GNAQ: variants seen among roughly 807,000 people sequenced by gnomAD.
GNAQ encodes G protein subunit alpha q, also known as guanine nucleotide-binding protein G(q) subunit alpha.
In GNAQ, 8 loss-of-function variants were observed where a neutral mutation model predicts 43.9. That is an observed-to-expected ratio of 0.18 (90% confidence interval 0.11 to 0.33). The LOEUF is 0.33. GNAQ is among the 10% of genes least tolerant of loss of function. The pLI is 1.00. For synonymous variants in GNAQ, 155 were observed against 170.7 expected (o/e 0.91, Z 0.71); for missense variants, 158 against 450.8 (o/e 0.35, Z 5.88).
At chr9:77,810,301 T>C (rs1425898286) in intron 3 of GNAQ, among the ~76,000 whole-genome samples, 2 of 152,076 alleles carry the variant, frequency 1.3e-5, no homozygotes, top group African/African-American at 4.8e-5. Context: ...TGAGGCTGTA[T>C]TTCAGTGGTT....
intron 1 of GNAQ, among the ~76,000 whole-genome samples, chr9:77,979,651 G>C (rs949148151): frequency 2.0e-5 from 3 of 152,056 alleles, no homozygotes; most frequent in Admixed American, 2.0e-4. Flanking sequence ...TGAACTCTCT[G>C]GAAGACTAAA....
intron 2 of GNAQ, among the ~76,000 whole-genome samples, chr9:77,894,219 T>C (rs1211204314): frequency 7.6e-6 from 1 of 131,794 alleles, no homozygotes; most frequent in Non-Finnish European, 1.6e-5. Flanking sequence ...GGTATTACAG[T>C]ATTCTTAAAA....
intron 2 of GNAQ, among the ~76,000 whole-genome samples, chr9:77,824,575 T>G (rs1187791919): frequency 6.6e-6 from 1 of 152,208 alleles, no homozygotes; most frequent in Admixed American, 6.5e-5. Context: ...ATTAATTTAA[T>G]ACATACAGTA....
intron 5 of GNAQ, among the ~76,000 whole-genome samples, chr9:77,754,070 A>G (rs1564100265): frequency 6.6e-6 from 1 of 152,152 alleles, no homozygotes; most frequent in Non-Finnish European, 1.5e-5. Flanking sequence ...ACCAAATTAA[A>G]AGGAGCACTC....
At chr9:78,002,035 G>T (rs1466467041) in intron 1 of GNAQ, among the ~76,000 whole-genome samples, 1 of 152,148 alleles carries the variant, frequency 6.6e-6, no homozygotes, top group African/African-American at 2.4e-5. Flanking sequence ...AGAAGATAAA[G>T]ATTTGTCAAT....
chr9:77,825,693 T>C (rs1057000681), intron 2 of GNAQ, among the ~76,000 whole-genome samples: 9 of 152,176 alleles, frequency 5.9e-5, no homozygotes, highest in African/African-American at 2.2e-4. Flanking sequence ...AATCTAGAAA[T>C]ACAAAGTGAA....
chr9:77,937,113 A>G (rs1391945396), intron 1 of GNAQ, among the ~76,000 whole-genome samples: 1 of 152,178 alleles, frequency 6.6e-6, no homozygotes, highest in African/African-American at 2.4e-5. Flanking sequence ...GGCTTTGTTG[A>G]TATCACATAT....
chr9:77,762,249 TG>T (rs1443661217), intron 5 of GNAQ, among the ~76,000 whole-genome samples: 1 of 92,940 alleles, frequency 1.1e-5, no homozygotes. Context: ...GGAGGGAGGT[TG>T]GGGGGTCAGC....
intron 1 of GNAQ, among the ~76,000 whole-genome samples, chr9:78,009,802 T>G (rs1823752203): frequency 6.6e-6 from 1 of 151,676 alleles, no homozygotes; most frequent in Admixed American, 6.6e-5. Context: ...TCAATAGCAG[T>G]AAAAACTCTC....
Position 77,818,446 on chromosome 9 carries a change from T to TA in GNAQ, c.322-2677dup, listed in dbSNP as rs758876754. 9.5e-3 allele frequency among the ~76,000 whole-genome samples: 1,249 copies of TA among 131,352 alleles called. 12 individuals are homozygous for TA. The highest frequency in any genetic ancestry group is 0.026 in the African/African-American group (928 of 35,802). The allele number at this position is 131,352 out of a possible 152,430, so 86.2% of individuals were successfully genotyped here. On this transcript the variant is annotated intron_variant, in intron 2 of 6. Transcript: ENST00000286548. ...GAAATGCAATACTCTCAATTTTTTG[T>TA]AAAAAAAAAAAAAAAAAGTTCTGTA...
intron 1 of GNAQ, among the ~76,000 whole-genome samples, chr9:78,026,250 G>A (rs1823978421): frequency 1.3e-5 from 2 of 152,094 alleles, no homozygotes; most frequent in South Asian, 2.1e-4. Flanking sequence ...AGCATATAGG[G>A]GTAAGGATGG....
At chr9:77,890,225 C>G (rs1236303920) in intron 2 of GNAQ, among the ~76,000 whole-genome samples, 1 of 152,150 alleles carries the variant, frequency 6.6e-6, no homozygotes, top group Non-Finnish European at 1.5e-5. Context: ...TACCATACTC[C>G]TAGAATCCTC....
chr9:78,026,619 C>T (rs1350127397), intron 1 of GNAQ, among the ~76,000 whole-genome samples: 2 of 152,104 alleles, frequency 1.3e-5, no homozygotes, highest in Non-Finnish European at 2.9e-5. Flanking sequence ...TCTGAGTCAC[C>T]ATCCTAGATG....
At chr9:77,726,728 T>A (rs1300492469) in intron 6 of GNAQ, among the ~76,000 whole-genome samples, 1 of 152,240 alleles carries the variant, frequency 6.6e-6, no homozygotes, top group Non-Finnish European at 1.5e-5. Context: ...GTTTCTGCTA[T>A]GTGATATATG....
intron 1 of GNAQ, among the ~76,000 whole-genome samples, chr9:78,004,383 C>T (rs1318453485): frequency 1.3e-5 from 2 of 152,038 alleles, no homozygotes; most frequent in East Asian, 3.9e-4. Flanking sequence ...TCTCTGGACC[C>T]ATGCCAACAG....
intron 2 of GNAQ, among the ~76,000 whole-genome samples, chr9:77,918,812 T>C (rs1010282099): frequency 6.6e-6 from 1 of 152,218 alleles, no homozygotes; most frequent in Non-Finnish European, 1.5e-5. Flanking sequence ...TGACAGTATA[T>C]AGCATTTATT....
At chr9:77,796,091 G>C (rs1173212063) in intron 4 of GNAQ, among the ~76,000 whole-genome samples, 1 of 152,152 alleles carries the variant, frequency 6.6e-6, no homozygotes, top group Non-Finnish European at 1.5e-5. Flanking sequence ...AAGTAATATA[G>C]AATGCTGGAG....
At chr9:77,840,854 C>T (rs1052259957) in intron 2 of GNAQ, among the ~76,000 whole-genome samples, 1 of 152,008 alleles carries the variant, frequency 6.6e-6, no homozygotes, top group African/African-American at 2.4e-5. Flanking sequence ...TTTATCTGAG[C>T]CCAGGGTCAC....
At chr9:78,014,058 T>C (rs561133263) in intron 1 of GNAQ, among the ~76,000 whole-genome samples, 2 of 152,260 alleles carry the variant, frequency 1.3e-5, no homozygotes, top group East Asian at 1.9e-4. Flanking sequence ...AAAAGTTATA[T>C]AGGCTACCAA....
Sources: gnomAD v4.1 joint callset for allele counts (sites outside exome capture counted in the v4.1 genomes callset) on GRCh38, gnomAD v4.1.1 for gene constraint, MANE v1.5 for transcripts, NCBI Gene and HGNC (gene_info 2026-07-23, HGNC 2026-07-21) for gene names.